Variants in SLC35F4 observed in about 807,000 individuals in gnomAD.
SLC35F4 encodes the protein chromosome 14 open reading frame 36.
SLC35F4 carries 24 observed loss-of-function variants against 44.2 expected under a neutral mutation model. The observed-to-expected ratio is 0.54, with a 90% CI of 0.39 to 0.76. The LOEUF (loss-of-function observed/expected upper bound fraction) is 0.76, where lower values mean the gene tolerates loss of function less well. Among genes scored for constraint, SLC35F4 ranks in the 30% least tolerant of loss-of-function variants. The pLI is 0.00. For synonymous variants in SLC35F4, 238 were observed against 223.6 expected (o/e 1.06, Z -0.57); for missense variants, 562 against 586.1 (o/e 0.96, Z 0.42).
At chr14:57,593,587 G>C (rs1566658921) in intron 2 of SLC35F4, among the ~76,000 whole-genome samples, 1 of 152,156 alleles carries the variant, frequency 6.6e-6, no homozygotes, top group Non-Finnish European at 1.5e-5. Context: ...TTCAGGATGG[G>C]TACATTGTGC....
At chr14:57,941,871 T>C (rs1889922157) in intron 1 of SLC35F4, among the ~76,000 whole-genome samples, 3 of 152,166 alleles carry the variant, frequency 2.0e-5, no homozygotes, top group Admixed American at 2.0e-4. Context: ...GTAGAATGAA[T>C]GAATGGGTGA....
intron 1 of SLC35F4, among the ~76,000 whole-genome samples, chr14:57,744,185 C>A (rs912582818): frequency 2.0e-5 from 3 of 152,186 alleles, no homozygotes. Flanking sequence ...GATGCCCTCT[C>A]TCACACTCCT....
At chr14:57,581,833 C>T (rs2069293222) in intron 3 of SLC35F4, among the ~76,000 whole-genome samples, 1 of 152,238 alleles carries the variant, frequency 6.6e-6, no homozygotes. Context: ...CTACAGACAA[C>T]TCCTAGAACC....
At chr14:57,600,691 C>CAAAAAAAAAAAAA (rs67819924) in intron 1 of SLC35F4, among the ~76,000 whole-genome samples, 2 of 55,396 alleles carry the variant, frequency 3.6e-5, no homozygotes, top group Non-Finnish European at 6.2e-5. Flanking sequence ...GACTCCATCT[C>CAAAAAAAAAAAAA]AAAAAAAAAA....
intron 1 of SLC35F4, among the ~76,000 whole-genome samples, chr14:57,781,398 A>T (rs2077617404): frequency 6.6e-6 from 1 of 152,190 alleles, no homozygotes; most frequent in Non-Finnish European, 1.5e-5. Context: ...GGCTATTATT[A>T]AAAAATCAAG....
At chr14:57,671,029 T>G (rs559587688) in intron 1 of SLC35F4, among the ~76,000 whole-genome samples, 2 of 150,620 alleles carry the variant, frequency 1.3e-5, no homozygotes, top group South Asian at 4.2e-4. Context: ...CTCAGCCTCC[T>G]GAGTAGCTGG....
In SLC35F4 at chr14:57,629,064, G is replaced by A. The variant is rs144412093; in HGVS notation, c.104-34940C>T. Among the ~76,000 whole-genome samples, 276 of 152,190 alleles carry A rather than the reference G, an allele frequency of 1.8e-3. 3 individuals carry two copies. The highest frequency in any genetic ancestry group is 6.2e-3 in the African/African-American group (258 of 41,544). The stretch of plus-strand genomic sequence containing the variant: ...GTGATTTTTGTTCAGAGACATGGTC[G>A]GAGCTAAGGGCACCACTCTTGCAGA... On this transcript the variant is annotated intron_variant, in intron 1 of 7. Coordinates refer to ENST00000556826, the MANE Select transcript of SLC35F4 (RefSeq NM_001306087.2).
chr14:57,824,189 T>C (rs1269162193), intron 1 of SLC35F4, among the ~76,000 whole-genome samples: 1 of 151,972 alleles, frequency 6.6e-6, no homozygotes, highest in Non-Finnish European at 1.5e-5. Context: ...TTTGCATGTA[T>C]CAGAAAAGTT....
At chr14:57,724,120 A>G (rs2076148320) in intron 1 of SLC35F4, among the ~76,000 whole-genome samples, 4 of 152,206 alleles carry the variant, frequency 2.6e-5, no homozygotes, top group Admixed American at 2.6e-4. Context: ...TGGCCCATTT[A>G]TCAAGTGACC....
chr14:57,807,522 C>T (rs1478935414), intron 1 of SLC35F4, among the ~76,000 whole-genome samples: 1 of 151,894 alleles, frequency 6.6e-6, no homozygotes, highest in African/African-American at 2.4e-5. Flanking sequence ...AAGTTTTGTT[C>T]CAACAGGGCT....
intron 1 of SLC35F4, chr14:57,629,977 T>G (rs902343188): frequency 1.9e-6 from 1 of 524,400 alleles, no homozygotes; most frequent in Non-Finnish European, 3.8e-6. Flanking sequence ...GTATGAAGAT[T>G]TACAGTGTGA....
At chr14:57,855,993 A>AAG (rs1887044654) in intron 1 of SLC35F4, among the ~76,000 whole-genome samples, 1 of 152,040 alleles carries the variant, frequency 6.6e-6, no homozygotes, top group Non-Finnish European at 1.5e-5. Flanking sequence ...GAACAATGAG[A>AAG]ACACATGGAC....
chr14:57,791,462 T>C (rs1020045160), intron 1 of SLC35F4, among the ~76,000 whole-genome samples: 3 of 152,150 alleles, frequency 2.0e-5, no homozygotes, highest in African/African-American at 4.8e-5. Context: ...ATGGCGATCA[T>C]TAAAAAGTCA....
chr14:57,666,345 T>G (rs182653283), intron 1 of SLC35F4, among the ~76,000 whole-genome samples: 1 of 152,074 alleles, frequency 6.6e-6, no homozygotes, highest in African/African-American at 2.4e-5. Context: ...GACTTCACTG[T>G]AGGTACAACT....
At chr14:57,593,899 C>T in intron 2 of SLC35F4, 40 bp downstream of exon 2, 1 of 1,599,802 alleles carries the variant, frequency 6.3e-7, no homozygotes, top group South Asian at 1.1e-5. Flanking sequence ...TAGAAGCTTA[C>T]TAGGATGTAC....
intron 1 of SLC35F4, among the ~76,000 whole-genome samples, chr14:57,961,736 C>T (rs896907890): frequency 2.6e-5 from 4 of 152,164 alleles, no homozygotes; most frequent in Non-Finnish European, 5.9e-5. Context: ...TGGATCTTTG[C>T]CCACACTGCT....
chr14:57,880,343 TCTC>T (rs984883708), intron 1 of SLC35F4, among the ~76,000 whole-genome samples: 4 of 152,116 alleles, frequency 2.6e-5, no homozygotes, highest in African/African-American at 9.7e-5. Flanking sequence ...ACTGAGGGCT[TCTC>T]CTCAACTTAA....
intron 1 of SLC35F4, among the ~76,000 whole-genome samples, chr14:57,795,032 T>C (rs2078021996): frequency 6.6e-6 from 1 of 152,162 alleles, no homozygotes; most frequent in African/African-American, 2.4e-5. Flanking sequence ...CAAATTTTCC[T>C]CATCTGTATG....
intron 1 of SLC35F4, among the ~76,000 whole-genome samples, chr14:57,743,950 T>C (rs1463296483): frequency 6.6e-6 from 1 of 152,104 alleles, no homozygotes; most frequent in Non-Finnish European, 1.5e-5. Context: ...TAATCCAGCA[T>C]ATAAACAGAA....
Sources: gnomAD v4.1 joint callset for allele counts (sites outside exome capture counted in the v4.1 genomes callset) on GRCh38, gnomAD v4.1.1 for gene constraint, MANE v1.5 for transcripts, NCBI Gene and HGNC (gene_info 2026-07-23, HGNC 2026-07-21) for gene names.